ATP10B: variants seen among roughly 807,000 people sequenced by gnomAD.
ATP10B encodes phospholipid-transporting ATPase VB.
Under a neutral mutation model 141.2 loss-of-function variants are expected in ATP10B, and 122 were observed. That is an observed-to-expected ratio of 0.86 (90% CI 0.75 to 1.00). The LOEUF (loss-of-function observed/expected upper bound fraction) is 1.00. Among genes scored for constraint, ATP10B ranks in the 50% least tolerant of loss-of-function variants. The probability of loss-of-function intolerance (pLI) is 0.00; values close to 1 mark genes in which losing one functional copy is unlikely to be tolerated. For missense variants in ATP10B, 1,876 were observed against 1,825.3 expected (o/e 1.03, Z -0.51); for synonymous variants, 685 against 692.0 (o/e 0.99, Z 0.16).
the ATP10B span, among the ~76,000 whole-genome samples, chr5:160,877,447 T>C: frequency 6.9e-6 from 1 of 144,304 alleles, no homozygotes; most frequent in African/African-American, 2.5e-5. Context: ...GGGCAAAAAC[T>C]GGAAGCATTC....
intron 6 of ATP10B, among the ~76,000 whole-genome samples, chr5:160,681,197 AC>A (rs1763379835): frequency 6.6e-6 from 1 of 152,216 alleles, no homozygotes; most frequent in South Asian, 2.1e-4. Flanking sequence ...GCTGGGTTAA[AC>A]AAAGCTGATA....
chr5:160,612,877 A>G lies in ATP10B; in HGVS notation c.2702T>C (p.Ile901Thr), dbSNP rs377508371. 36 of 1,613,820 alleles carry G rather than the reference A, an allele frequency of 2.2e-5. No homozygotes were observed. Among genetic ancestry groups the G allele is most frequent in the Non-Finnish European group, 2.7e-5 (32 of 1,179,924 alleles). The change falls in exon 18 of 26, where the codon ATT (isoleucine) becomes ACT (threonine). Residue 901 changes from isoleucine (I) to threonine (T), a missense_variant. Transcript: ENST00000327245. ...GATCCCAGCCTCCCGCAGAGTGGCA[A>G]TCGTATCTGGAACTCCTTCCTGCAG... ...DRLQEGVPDT[I>T]ATLREAGIQL...
At chr5:160,814,084 C>T (rs528053489) in intron 1 of ATP10B, among the ~76,000 whole-genome samples, 33 of 152,324 alleles carry the variant, frequency 2.2e-4, no homozygotes, top group Admixed American at 3.9e-4. Context: ...ACCTCTCCTC[C>T]TTCGAAGGAA....
At chr5:160,769,481 A>G (rs1581497530) in intron 2 of ATP10B, among the ~76,000 whole-genome samples, 1 of 152,216 alleles carries the variant, frequency 6.6e-6, no homozygotes, top group Non-Finnish European at 1.5e-5. Context: ...GGGCGCCTTT[A>G]CAGCCAATAG....
intron 13 of ATP10B, among the ~76,000 whole-genome samples, chr5:160,626,800 G>A (rs192317098): frequency 9.9e-5 from 15 of 152,240 alleles, no homozygotes; most frequent in Middle Eastern, 3.4e-3. Context: ...TTCCTTTCTG[G>A]CTGGGATGTG....
chr5:160,883,743 G>T, the ATP10B span, among the ~76,000 whole-genome samples: 2 of 151,786 alleles, frequency 1.3e-5, no homozygotes, highest in African/African-American at 2.4e-5. Context: ...CAAAACACAC[G>T]CAAAAAGAAA....
intron 1 of ATP10B, among the ~76,000 whole-genome samples, chr5:160,836,374 C>A (rs1775434679): frequency 1.3e-5 from 2 of 151,930 alleles, no homozygotes; most frequent in African/African-American, 4.8e-5. Flanking sequence ...GGTAGACATG[C>A]TGTAACCTAG....
At chr5:160,893,725 C>A in the ATP10B span, among the ~76,000 whole-genome samples, 1 of 152,208 alleles carries the variant, frequency 6.6e-6, no homozygotes, top group Non-Finnish European at 1.5e-5. Flanking sequence ...AAGTGGGTCA[C>A]TGATCCCCGT....
chr5:160,782,505 C>T (rs1371168449), intron 2 of ATP10B, among the ~76,000 whole-genome samples: 3 of 151,012 alleles, frequency 2.0e-5, no homozygotes, highest in Non-Finnish European at 3.0e-5. Context: ...AGCCCAGCCT[C>T]ACAGGCGTAT....
chr5:160,861,816 T>G, the ATP10B span, among the ~76,000 whole-genome samples: 1 of 151,968 alleles, frequency 6.6e-6, no homozygotes, highest in Non-Finnish European at 1.5e-5. Flanking sequence ...TGGGTCTATA[T>G]TTACTGTATT....
At chr5:160,612,618 T>C in intron 18 of ATP10B, 123 bp downstream of exon 18, 1 of 733,382 alleles carries the variant, frequency 1.4e-6, no homozygotes, top group South Asian at 2.0e-5. Flanking sequence ...GATTCAGTGA[T>C]CTGTTGGGGG....
Position 160,723,014 on chromosome 5 carries a change from G to A in ATP10B, c.-330-5980C>T, listed in dbSNP as rs78022578. On this transcript the variant is annotated intron_variant, in intron 2 of 25. Transcript: ENST00000327245. ...TTAGATAGAATTTTCCTTTCGCCAA[G>A]GCATAGCATACACAGAAATCTTCCT... 1.9e-3 allele frequency among the ~76,000 whole-genome samples: 297 copies of A among 152,308 alleles called. 1 individual carries two copies. Among genetic ancestry groups the A allele is most frequent in the Middle Eastern group, 0.01 (3 of 294 alleles).
At chr5:160,899,122 AT>A in the ATP10B span, among the ~76,000 whole-genome samples, 1 of 152,118 alleles carries the variant, frequency 6.6e-6, no homozygotes, top group Non-Finnish European at 1.5e-5. Context: ...CTGCACATAT[AT>A]CCCAGAACTT....
At chr5:160,767,623 C>T (rs2127849566) in intron 2 of ATP10B, among the ~76,000 whole-genome samples, 2 of 135,974 alleles carry the variant, frequency 1.5e-5, no homozygotes, top group South Asian at 2.6e-4. Context: ...GTGTGAGGGT[C>T]ATGTGTGCAG....
intron 1 of ATP10B, among the ~76,000 whole-genome samples, chr5:160,836,968 T>C (rs1171745760): frequency 6.6e-6 from 1 of 152,156 alleles, no homozygotes; most frequent in Non-Finnish European, 1.5e-5. Context: ...TTCTGATATC[T>C]CACTTTCCCT....
At chr5:160,873,512 T>C in the ATP10B span, among the ~76,000 whole-genome samples, 2 of 152,214 alleles carry the variant, frequency 1.3e-5, no homozygotes, top group Non-Finnish European at 2.9e-5. Context: ...GACAAAAACA[T>C]GGCCAGGCTC....
chr5:160,563,260 C>G lies in ATP10B; in HGVS notation c.*2193G>C, dbSNP rs1479303228. ...TAGGGGAATAGTGGTTATAACTTTT[C>G]CCTGTAAGATGGCACATTGGATGGT... On this transcript the variant is annotated 3_prime_UTR_variant, in exon 26 of 26. Transcript: ENST00000327245. The G allele has an allele frequency of 6.6e-6, 1 of 152,112 alleles. No homozygotes were observed. Among genetic ancestry groups the G allele is most frequent in the African/African-American group, 2.4e-5 (1 of 41,426 alleles). 9.4% of individuals were successfully genotyped at this position (152,112 alleles called of 1,614,324 possible). A position where few individuals can be genotyped will look rare whatever the true frequency, so the allele number is the denominator to read the frequency against.
chr5:160,900,553 C>T, the ATP10B span, among the ~76,000 whole-genome samples: 4 of 152,284 alleles, frequency 2.6e-5, no homozygotes, highest in African/African-American at 9.6e-5. Flanking sequence ...TGTCCTCATT[C>T]TTTTCCCTTT....
intron 2 of ATP10B, among the ~76,000 whole-genome samples, chr5:160,727,322 T>C (rs1052685396): frequency 2.0e-5 from 3 of 152,222 alleles, no homozygotes; most frequent in African/African-American, 7.2e-5. Flanking sequence ...CATAAGTGAA[T>C]GGCTGAGGCC....
Sources: allele counts gnomAD v4.1 joint callset (sites outside exome capture counted in the v4.1 genomes callset), GRCh38; gene constraint gnomAD v4.1.1; transcripts MANE v1.5; gene names NCBI Gene and HGNC (gene_info 2026-07-23, HGNC 2026-07-21).